Variants in PEAK1 observed in about 807,000 individuals in gnomAD.
PEAK1 encodes inactive tyrosine-protein kinase PEAK1.
In PEAK1, 54 loss-of-function variants were observed where a neutral mutation model predicts 124.7. That is an observed-to-expected ratio of 0.43 (90% CI 0.35 to 0.54). The LOEUF is 0.54. PEAK1 is among the 20% of genes least tolerant of loss of function. PEAK1 has a pLI of 0.01. For missense variants in PEAK1, 2,046 were observed against 2,134.5 expected (o/e 0.96, Z 0.82); for synonymous variants, 719 against 760.0 (o/e 0.95, Z 0.89).
intron 5 of PEAK1, among the ~76,000 whole-genome samples, chr15:77,261,760 G>A (rs866659325): frequency 2.0e-5 from 3 of 152,036 alleles, no homozygotes; most frequent in Admixed American, 1.3e-4. Context: ...TACAGAGAAC[G>A]TCATAAAGAT....
intron 6 of PEAK1, among the ~76,000 whole-genome samples, chr15:77,191,374 TATG>T (rs2057824578): frequency 1.3e-5 from 2 of 152,194 alleles, no homozygotes; most frequent in South Asian, 4.1e-4. Context: ...CAGGAAGGGG[TATG>T]ATCCCTCTAA....
At chr15:77,360,429 C>T (rs1161165359) in intron 2 of PEAK1, among the ~76,000 whole-genome samples, 2 of 152,154 alleles carry the variant, frequency 1.3e-5, no homozygotes, top group East Asian at 1.9e-4. Flanking sequence ...AAAAGACCCA[C>T]AGAATAGGAG....
At chr15:77,141,017 G>T (rs1040789074) in intron 8 of PEAK1, among the ~76,000 whole-genome samples, 1 of 151,992 alleles carries the variant, frequency 6.6e-6, no homozygotes, top group Non-Finnish European at 1.5e-5. Flanking sequence ...TCTATTCTAC[G>T]TTGTACAGGA....
At position 77,279,897 on chromosome 15, in the gene PEAK1, G is replaced by A. The variant is rs867999606; in HGVS notation, c.-275+3986C>T. On this transcript the variant is annotated intron_variant, in intron 5 of 9. Transcript: ENST00000682557. ...GAACAGGTAAAACTATAGTGATGAA[G>A]TACAGATCAGTAATTGTTAGATGTA... Among the ~76,000 whole-genome samples the A allele has an allele frequency of 5.9e-5, 9 of 152,286 alleles. 1 individual carries two copies. The Middle Eastern group carries it at 0.017, about 288-fold the overall frequency.
chr15:77,379,689 T>C (rs779205217), intron 1 of PEAK1, among the ~76,000 whole-genome samples: 4 of 152,040 alleles, frequency 2.6e-5, no homozygotes, highest in Non-Finnish European at 4.4e-5. Context: ...CTTAAGAGGA[T>C]TGGTTAGGTC....
intron 2 of PEAK1, 33 bp downstream of exon 2, chr15:77,365,130 T>C (rs985995654): frequency 2.0e-5 from 16 of 783,286 alleles, no homozygotes; most frequent in Non-Finnish European, 2.3e-5. Flanking sequence ...AAAATATATA[T>C]TAAAAGGCAA....
At chr15:77,376,216 CT>C (rs1450194811) in intron 1 of PEAK1, among the ~76,000 whole-genome samples, 1 of 151,960 alleles carries the variant, frequency 6.6e-6, no homozygotes, top group Non-Finnish European at 1.5e-5. Context: ...TACCATATAC[CT>C]AACAAAGGCA....
chr15:77,125,081 G>A lies in PEAK1; in HGVS notation c.4077+7924C>T, dbSNP rs141929939. On this transcript the variant is annotated intron_variant, in intron 9 of 9. Coordinates refer to ENST00000682557, the MANE Select transcript of PEAK1 (RefSeq NM_001385026.1). ...CTTTGTTTCATTCATATGTATTTCT[G>A]TAAACTACAACAAATATCACAATGT... is the stretch of plus-strand genomic sequence containing the variant. 5.8e-3 allele frequency among the ~76,000 whole-genome samples: 884 copies of A among 152,202 alleles called. 11 individuals carry two copies. The highest frequency in any genetic ancestry group is 0.02 in the African/African-American group (818 of 41,528).
At chr15:77,373,886 T>A (rs1268081539) in intron 1 of PEAK1, among the ~76,000 whole-genome samples, 1 of 152,144 alleles carries the variant, frequency 6.6e-6, no homozygotes, top group Non-Finnish European at 1.5e-5. Context: ...CAGACAATGA[T>A]CAGTGATCAG....
chr15:77,300,265 T>C (rs1202449959), intron 2 of PEAK1, among the ~76,000 whole-genome samples: 1 of 152,228 alleles, frequency 6.6e-6, no homozygotes, highest in African/African-American at 2.4e-5. Context: ...AGAGGTCTGT[T>C]TTCCCAATGG....
intron 2 of PEAK1, among the ~76,000 whole-genome samples, chr15:77,309,860 T>C (rs2064330084): frequency 6.6e-6 from 1 of 152,076 alleles, no homozygotes; most frequent in Admixed American, 6.6e-5. Flanking sequence ...ATTCAAACAA[T>C]CAAAACTTTA....
chr15:77,382,595 A>T (rs1298173167), intron 1 of PEAK1, among the ~76,000 whole-genome samples: 1 of 152,192 alleles, frequency 6.6e-6, no homozygotes, highest in African/African-American at 2.4e-5. Context: ...CTTAGAGGGT[A>T]CTGTCAATTC....
At position 77,115,356 on chromosome 15, in the gene PEAK1, C is replaced by T. The variant is rs1479904833; in HGVS notation, c.4078-37G>A. ...TAAAACAATTCAAAACTCACACTCT[C>T]ATAACCAGGTTTATGATGTATCAGG... On this transcript the variant is annotated intron_variant, in intron 9 of 9. Transcript: ENST00000682557. 5 of 1,560,482 alleles carry T rather than the reference C, an allele frequency of 3.2e-6. No individual in the cohort carries two copies. The East Asian group carries it at 1.1e-4, about 35-fold the overall frequency.
At chr15:77,261,879 A>C (rs2061460494) in intron 5 of PEAK1, among the ~76,000 whole-genome samples, 1 of 152,162 alleles carries the variant, frequency 6.6e-6, no homozygotes, top group Non-Finnish European at 1.5e-5. Context: ...GTTACCCACA[A>C]AGGGAAGCCC....
At position 77,180,913 on chromosome 15, in the gene PEAK1, T is replaced by G; in HGVS notation, c.1014A>C (p.Ser338=). ...YGQGSIQSMV[S]SDSTSPDSSL... Reference sequence around the variant, plus strand: ...AAGAATCTGGTGATGTGGAGTCAGATGACACCATGCTCTGAATGCTTCCTT... The same window carrying G: ...AAGAATCTGGTGATGTGGAGTCAGAGGACACCATGCTCTGAATGCTTCCTT... The change falls in exon 7 of 10, where the codon TCA becomes TCC. Residue 338 remains serine, a synonymous_variant. Transcript: ENST00000682557. 3 of 1,614,146 alleles carry G rather than the reference T, an allele frequency of 1.9e-6. No homozygotes were observed. The highest frequency in any genetic ancestry group is 2.5e-6 in the Non-Finnish European group (3 of 1,180,018).
chr15:77,350,151 A>G, intron 2 of PEAK1: 1 of 985,460 alleles, frequency 1.0e-6, no homozygotes, highest in Non-Finnish European at 1.2e-6. Context: ...AAATGCATGC[A>G]CAAAAGTAAT....
At chr15:77,196,351 T>A (rs1294814678) in intron 6 of PEAK1, among the ~76,000 whole-genome samples, 1 of 152,138 alleles carries the variant, frequency 6.6e-6, no homozygotes, top group African/African-American at 2.4e-5. Context: ...TCCTACTAGG[T>A]ACTCTTTTTT....
At chr15:77,337,635 T>C (rs1597350706) in intron 2 of PEAK1, 3 of 985,432 alleles carry the variant, frequency 3.0e-6, no homozygotes, top group Non-Finnish European at 3.6e-6. Context: ...TTAATTCCCA[T>C]GAATGAGATG....
At chr15:77,371,784 AG>A (rs1160075689) in intron 1 of PEAK1, among the ~76,000 whole-genome samples, 6 of 152,220 alleles carry the variant, frequency 3.9e-5, no homozygotes, top group African/African-American at 1.4e-4. Flanking sequence ...GCTACTCGGG[AG>A]GCTGAGACAG....
Sources: gnomAD v4.1 joint callset for allele counts (sites outside exome capture counted in the v4.1 genomes callset) on GRCh38, gnomAD v4.1.1 for gene constraint, MANE v1.5 for transcripts, NCBI Gene and HGNC (gene_info 2026-07-23, HGNC 2026-07-21) for gene names.